The following ITGB8 variants were observed in gnomAD, a reference collection of about 807,000 sequenced individuals.
ITGB8 encodes the protein integrin beta-8.
ITGB8 carries 30 observed loss-of-function variants against 89.5 expected under a neutral mutation model. The ratio of observed to expected loss-of-function variants is 0.34; its 90% CI spans 0.25 to 0.45. ITGB8 has a LOEUF of 0.45. Among genes scored for constraint, ITGB8 ranks in the 20% least tolerant of loss-of-function variants. The pLI, the probability that ITGB8 is intolerant of heterozygous loss-of-function variation, is 1.00. For synonymous variants in ITGB8, 335 were observed against 320.4 expected (o/e 1.05, Z -0.49); for missense variants, 836 against 933.3 (o/e 0.90, Z 1.36).
At chr7:20,405,397 G>A (rs534309850) in intron 11 of ITGB8, among the ~76,000 whole-genome samples, 40 of 150,064 alleles carry the variant, frequency 2.7e-4, no homozygotes, top group African/African-American at 7.8e-4. Flanking sequence ...TGCAAGCTCC[G>A]CCTCCCGGGT....
intron 1 of ITGB8, among the ~76,000 whole-genome samples, chr7:20,361,969 G>C (rs1785518494): frequency 6.6e-6 from 1 of 152,168 alleles, no homozygotes; most frequent in South Asian, 2.1e-4. Flanking sequence ...GAAGGACAAG[G>C]CATAGAAGGA....
chr7:20,359,857 A>T (rs772041986), intron 1 of ITGB8, among the ~76,000 whole-genome samples: 15 of 152,200 alleles, frequency 9.9e-5, no homozygotes, highest in Non-Finnish European at 1.9e-4. Flanking sequence ...CTGCATGCCA[A>T]AGTGTATCTG....
intron 1 of ITGB8, among the ~76,000 whole-genome samples, chr7:20,362,515 C>T (rs3807941): frequency 0.53 from 80,800 of 152,078 alleles, 22,007 homozygotes; most frequent in South Asian, 0.7. Context: ...CACCCCTACT[C>T]ATCCCTCTCT....
rs1562683295 is a variant in ITGB8, at chr7:20,380,748, G to A, written c.718G>A (p.Ala240Thr). The change falls in exon 5 of 14, where the codon GCA (alanine) becomes ACA (threonine). Residue 240 changes from alanine to threonine, a missense_variant. Physicochemically the swap from Ala to Thr is moderately conservative, Grantham distance 58. Coordinates refer to ENST00000222573, the MANE Select transcript of ITGB8 (RefSeq NM_002214.3). Reference sequence around the variant, plus strand: ...AGAGAACATCACTGAGTTTGAGAAAGCAGTTCATAGACAGAAGATCTCTGG... The same window carrying A: ...AGAGAACATCACTGAGTTTGAGAAAACAGTTCATAGACAGAAGATCTCTGG... ...LTENITEFEKAVHRQKISGNI... is the reference protein window; with the variant it reads ...LTENITEFEKTVHRQKISGNI... 2 of 1,613,340 alleles carry A rather than the reference G, an allele frequency of 1.2e-6. No individual in the cohort carries two copies. The highest frequency in any genetic ancestry group is 2.2e-5 in the South Asian group (2 of 91,072).
In ITGB8 at chr7:20,404,796, G is replaced by A. The variant is rs1355542860; in HGVS notation, c.1856G>A (p.Ser619Asn). 6.2e-7 allele frequency: 1 copy of A among 1,614,208 alleles called. No homozygotes were observed. Among genetic ancestry groups the A allele is most frequent in the Admixed American group, 1.7e-5 (1 of 60,022 alleles). ...AGGTGTGAGTGCACCGATCCCAGGA[G>A]CATCGGCCGCTTCTGTGAACACTGC... ...CGRCECTDPR[S>N]IGRFCEHCPT... The change falls in exon 11 of 14, where the codon AGC (serine) becomes AAC (asparagine). Residue 619 changes from serine to asparagine, a missense_variant. This residue lies in a region of ITGB8 where 422 missense variants were observed against 416.9 expected (regional missense o/e 1.01). Transcript: ENST00000222573.
Position 20,380,716 on chromosome 7 carries a change from C to G in ITGB8, c.686C>G (p.Ser229Cys). 6.2e-7 allele frequency: 1 copy of G among 1,613,414 alleles called. No individual in the cohort carries two copies. Among genetic ancestry groups the G allele is most frequent in the East Asian group, 2.2e-5 (1 of 44,870 alleles). The change falls in exon 5 of 14, where the codon TCT becomes TGT. Residue 229 changes from serine (S) to cysteine (C), a missense_variant. Transcript: ENST00000222573. ...CCCCATGGATACATCCATGTGCTGTCTTTGACAGAGAACATCACTGAGTTT... is the reference window on the plus strand; with the variant it reads ...CCCCATGGATACATCCATGTGCTGTGTTTGACAGAGAACATCACTGAGTTT... Reference protein sequence around the residue: ...MPPHGYIHVLSLTENITEFEK... With the variant: ...MPPHGYIHVLCLTENITEFEK...
intron 2 of ITGB8, chr7:20,365,990 C>G (rs1785680859): frequency 6.6e-6 from 1 of 151,632 alleles, no homozygotes; most frequent in Admixed American, 6.6e-5. Context: ...TAAAACGTCT[C>G]TAGAAAATTT....
In ITGB8 at chr7:20,331,184, T is replaced by C. The variant is rs1477036603; in HGVS notation, c.-623T>C. The C allele has an allele frequency of 1.1e-5, 2 of 176,468 alleles. No homozygotes were observed. Among genetic ancestry groups the C allele is most frequent in the African/African-American group, 2.3e-5 (1 of 42,634 alleles). 10.9% of individuals were successfully genotyped at this position (176,468 alleles called of 1,614,324 possible). ...CTTCCTCCCTTGCCAGCCAGGACGC[T>C]GCCGACTTGTCTTTGCCCGCTGCTC... On this transcript the variant is annotated 5_prime_UTR_variant, in exon 1 of 14. Transcript: ENST00000222573.
At chr7:20,346,634 C>T (rs757149254) in intron 1 of ITGB8, 6 of 854,454 alleles carry the variant, frequency 7.0e-6, no homozygotes, top group Non-Finnish European at 8.4e-6. Context: ...TGACTTAGTT[C>T]TGAAGTGAGG....
Position 20,381,737 on chromosome 7 carries a change from G to C in ITGB8, c.812G>C (p.Gly271Ala), listed in dbSNP as rs1256359394. 1 of 1,607,248 alleles carries C rather than the reference G, an allele frequency of 6.2e-7. No homozygotes were observed. Among genetic ancestry groups the C allele is most frequent in the Non-Finnish European group, 8.5e-7 (1 of 1,177,654 alleles). ...LQAAVCESHI[G>A]WRKEAKRLLL... Reference sequence around the variant, plus strand: ...ATGTTTATTTTTAAGAGTCATATCGGATGGCGAAAAGAGGCTAAAAGATTG... The same window carrying C: ...ATGTTTATTTTTAAGAGTCATATCGCATGGCGAAAAGAGGCTAAAAGATTG... Residue 271 changes from glycine (G) to alanine (A), a missense_variant, in exon 6 of 14, where the codon GGA becomes GCA. Coordinates refer to ENST00000222573, the MANE Select transcript of ITGB8 (RefSeq NM_002214.3).
intron 1 of ITGB8, among the ~76,000 whole-genome samples, chr7:20,359,498 G>C (rs924046610): frequency 6.6e-6 from 1 of 152,218 alleles, no homozygotes; most frequent in African/African-American, 2.4e-5. Flanking sequence ...CTGGAAAGTA[G>C]TTTTCTTGTA....
intron 1 of ITGB8, among the ~76,000 whole-genome samples, chr7:20,348,896 A>G (rs1785018272): frequency 6.6e-6 from 1 of 152,202 alleles, no homozygotes; most frequent in African/African-American, 2.4e-5. Flanking sequence ...CTAACTTTTG[A>G]TGAAGGAGAA....
At chr7:20,376,393 T>C (rs567132652) in intron 3 of ITGB8, among the ~76,000 whole-genome samples, 1 of 152,072 alleles carries the variant, frequency 6.6e-6, no homozygotes, top group East Asian at 2.0e-4. Context: ...CCCAGGCATC[T>C]TGTCCAAAAT....
chr7:20,339,955 G>T (rs112512346), intron 1 of ITGB8, among the ~76,000 whole-genome samples: 1 of 152,210 alleles, frequency 6.6e-6, no homozygotes, highest in Admixed American at 6.5e-5. Context: ...CTGAACCCGG[G>T]AGGCGGAGGT....
Position 20,405,982 on chromosome 7 carries a change from C to CT in ITGB8, c.1914-71dup, listed in dbSNP as rs201606486. ...AATTGTTTCTGCATTGTTATTTTGT[C>CT]TTTTTTTTTCTTGCAGAAAATATTA... On this transcript the variant is annotated intron_variant, in intron 11 of 13. Transcript: ENST00000222573. 2,128 of 821,160 alleles carry CT rather than the reference C, an allele frequency of 2.6e-3. 1 individual carries two copies. The highest frequency in any genetic ancestry group is 6.4e-3 in the African/African-American group (372 of 58,266). The allele number at this position is 821,160 out of a possible 1,614,324, so 50.9% of individuals were successfully genotyped here.
At chr7:20,332,085 G>C in intron 1 of ITGB8, 152 bp downstream of exon 1, 1 of 1,418,930 alleles carries the variant, frequency 7.0e-7, no homozygotes. Flanking sequence ...CTCCAGCACA[G>C]ATGGCCTAGA....
chr7:20,373,066 T>C (rs1785998965), intron 3 of ITGB8, among the ~76,000 whole-genome samples: 1 of 152,218 alleles, frequency 6.6e-6, no homozygotes, highest in Admixed American at 6.5e-5. Flanking sequence ...CTCTTAATAT[T>C]AATTTTGATT....
At chr7:20,337,310 T>C (rs1297399939) in intron 1 of ITGB8, among the ~76,000 whole-genome samples, 1 of 152,216 alleles carries the variant, frequency 6.6e-6, no homozygotes, top group Non-Finnish European at 1.5e-5. Flanking sequence ...CTGGAATTTA[T>C]AGTCATTTTC....
In ITGB8 at chr7:20,379,331, A is replaced by T; in HGVS notation, c.635+34A>T. On this transcript the variant is annotated intron_variant, in intron 4 of 13. Coordinates refer to ENST00000222573, the MANE Select transcript of ITGB8 (RefSeq NM_002214.3). ...GGTTTGATGTGGATATGCTAAATTA[A>T]TTTTTTGCTTATAAAATCTCACTTT... 3 of 1,394,360 alleles carry T rather than the reference A, an allele frequency of 2.2e-6. No homozygotes were observed. In the African/African-American group the frequency reaches 4.4e-5, roughly 21 times the overall value. 86.4% of individuals were successfully genotyped at this position (1,394,360 alleles called of 1,614,324 possible). A position where few individuals can be genotyped will look rare whatever the true frequency, so the allele number is the denominator to read the frequency against.
Sources: allele counts gnomAD v4.1 joint callset (sites outside exome capture counted in the v4.1 genomes callset), GRCh38; gene constraint gnomAD v4.1.1; regional missense constraint gnomAD v4.1.1; transcripts MANE v1.5; gene names NCBI Gene and HGNC (gene_info 2026-07-23, HGNC 2026-07-21).